GABRA1: variants seen among roughly 807,000 people sequenced by gnomAD.
GABRA1 encodes gamma-aminobutyric acid receptor subunit alpha-1.
In GABRA1, 9 loss-of-function variants were observed where a neutral mutation model predicts 48.9. The observed-to-expected ratio is 0.18, with a 90% CI of 0.11 to 0.32. GABRA1 has a LOEUF of 0.32. Ranked by LOEUF, GABRA1 falls within the 10% of genes least tolerant of loss-of-function variation. GABRA1 has a pLI of 1.00. For missense variants in GABRA1, 285 were observed against 553.8 expected (o/e 0.51, Z 4.87); for synonymous variants, 210 against 198.7 (o/e 1.06, Z -0.48).
intron 7 of GABRA1, among the ~76,000 whole-genome samples, chr5:161,888,380 G>A (rs749496518): frequency 3.9e-5 from 6 of 152,018 alleles, no homozygotes; most frequent in Admixed American, 6.6e-5. Context: ...TTAGGAAAAG[G>A]TTTCAAAACA....
At chr5:161,850,398 T>G (rs1418465164) in intron 1 of GABRA1, 1 of 405,162 alleles carries the variant, frequency 2.5e-6, no homozygotes, top group African/African-American at 2.1e-5. Flanking sequence ...CTTAAAAATT[T>G]TAATGCACAG....
intron 7 of GABRA1, among the ~76,000 whole-genome samples, chr5:161,890,081 T>C (rs1474525765): frequency 6.6e-6 from 1 of 151,928 alleles, no homozygotes; most frequent in African/African-American, 2.4e-5. Flanking sequence ...AGAGAAACAA[T>C]AAGACTCTCC....
At chr5:161,866,085 G>A (rs1264763238) in intron 4 of GABRA1, among the ~76,000 whole-genome samples, 21 of 152,050 alleles carry the variant, frequency 1.4e-4, no homozygotes, top group Non-Finnish European at 1.5e-5. Context: ...TACAGTATGA[G>A]TTATGTTTCA....
intron 6 of GABRA1, 81 bp downstream of exon 6, chr5:161,875,723 T>G: frequency 1.0e-6 from 1 of 992,550 alleles, no homozygotes; most frequent in Non-Finnish European, 1.6e-6. Context: ...GAAAAACGCG[T>G]AGATAAGGGA....
chr5:161,895,431 A>G (rs1441888888), intron 8 of GABRA1, among the ~76,000 whole-genome samples: 2 of 152,184 alleles, frequency 1.3e-5, no homozygotes, highest in Admixed American at 1.3e-4. Flanking sequence ...AGAGCACCTC[A>G]ATAGCAGAGC....
intron 8 of GABRA1, among the ~76,000 whole-genome samples, chr5:161,891,744 T>C (rs950063339): frequency 1.3e-5 from 2 of 152,206 alleles, no homozygotes; most frequent in East Asian, 3.8e-4. Flanking sequence ...ATTTCAACTG[T>C]ATTTTTCAGG....
At chr5:161,861,525 C>T (rs1391430696) in intron 3 of GABRA1, among the ~76,000 whole-genome samples, 2 of 151,770 alleles carry the variant, frequency 1.3e-5, no homozygotes, top group Admixed American at 6.6e-5. Context: ...TTCTTGGAAT[C>T]CCAAAACACT....
intron 2 of GABRA1, chr5:161,853,817 C>T (rs763643932): frequency 4.2e-5 from 7 of 167,726 alleles, no homozygotes; most frequent in Admixed American, 6.2e-5. Flanking sequence ...AAGAACTTTC[C>T]TAGGTTTGTT....
chr5:161,854,992 G>T (rs143446611), intron 3 of GABRA1, among the ~76,000 whole-genome samples: 1 of 151,420 alleles, frequency 6.6e-6, no homozygotes, highest in East Asian at 1.9e-4. Context: ...AAAGACTAAT[G>T]AAGCCAAATC....
At position 161,882,601 on chromosome 5, in the gene GABRA1, G is replaced by A. The variant is rs773177131; in HGVS notation, c.603G>A (p.Glu201=). ...RAEVVYEWTR[E]PARSVVVAED... is the part of the protein sequence containing the mutation. Reference sequence around the variant, plus strand: ...AAGTTGTTTATGAATGGACCAGAGAGCCAGCACGCTCAGTGGTTGTAGCAG... The same window carrying A: ...AAGTTGTTTATGAATGGACCAGAGAACCAGCACGCTCAGTGGTTGTAGCAG... The change falls in exon 7 of 10, where the codon GAG becomes GAA. Residue 201 remains glutamate, a synonymous_variant. Transcript: ENST00000393943. 1.2e-6 allele frequency: 2 copies of A among 1,613,560 alleles called. No homozygotes were observed. The highest frequency in any genetic ancestry group is 1.3e-5 in the African/African-American group (1 of 74,902).
At chr5:161,893,536 G>T (rs1755217542) in intron 8 of GABRA1, among the ~76,000 whole-genome samples, 1 of 152,060 alleles carries the variant, frequency 6.6e-6, no homozygotes, top group Admixed American at 6.6e-5. Context: ...ACAAACAAAA[G>T]TTGTACTTTA....
In GABRA1 at chr5:161,850,796, C is replaced by T; in HGVS notation, c.-15C>T. 3.7e-6 allele frequency: 6 copies of T among 1,613,688 alleles called. No individual in the cohort carries two copies. Among genetic ancestry groups the T allele is most frequent in the Non-Finnish European group, 5.1e-6 (6 of 1,179,604 alleles). ...GATCTCTACTTATTCTACTTTTCAG[C>T]TGCTCCAGCCCGCGATGAGGAAAAG... On this transcript the variant is annotated splice_region_variant and 5_prime_UTR_variant, in exon 2 of 10. Coordinates refer to ENST00000393943, the MANE Select transcript of GABRA1 (RefSeq NM_001127644.2).
At chr5:161,878,412 C>G (rs1217291817) in intron 6 of GABRA1, among the ~76,000 whole-genome samples, 1 of 152,116 alleles carries the variant, frequency 6.6e-6, no homozygotes, top group East Asian at 1.9e-4. Flanking sequence ...GAAACTGAGG[C>G]AAGAATGGGC....
At chr5:161,890,617 T>C (rs965063213) in intron 7 of GABRA1, among the ~76,000 whole-genome samples, 2 of 152,102 alleles carry the variant, frequency 1.3e-5, no homozygotes, top group African/African-American at 2.4e-5. Flanking sequence ...TCCTTAAATA[T>C]AAACTCAGAT....
rs184393130 is a variant in GABRA1, at chr5:161,848,865, A to G, written c.-16+443A>G. On this transcript the variant is annotated intron_variant, in intron 1 of 9. Coordinates refer to ENST00000393943, the MANE Select transcript of GABRA1 (RefSeq NM_001127644.2). Reference sequence around the variant, plus strand: ...TAAAGTTAAGACGCTGGGACGGAAAACCTGTCTCACTGTTCCATCATCCTA... The same window carrying G: ...TAAAGTTAAGACGCTGGGACGGAAAGCCTGTCTCACTGTTCCATCATCCTA... 46 of 413,656 alleles carry G rather than the reference A, an allele frequency of 1.1e-4. 1 individual carries two copies. The Admixed American group carries it at 1.2e-3, about 11-fold the overall frequency. 25.6% of individuals were successfully genotyped at this position (413,656 alleles called of 1,614,324 possible).
chr5:161,896,387 T>A (rs865841033), intron 9 of GABRA1, among the ~76,000 whole-genome samples: 1 of 152,204 alleles, frequency 6.6e-6, no homozygotes, highest in Non-Finnish European at 1.5e-5. Context: ...AATAGACATA[T>A]GCTTTAGGGA....
intron 7 of GABRA1, among the ~76,000 whole-genome samples, chr5:161,887,182 C>A (rs1417349431): frequency 6.6e-6 from 1 of 152,128 alleles, no homozygotes; most frequent in Non-Finnish European, 1.5e-5. Context: ...AAAGTTTCTT[C>A]TGAATGACTA....
At chr5:161,861,493 G>A (rs1366514336) in intron 3 of GABRA1, among the ~76,000 whole-genome samples, 8 of 151,710 alleles carry the variant, frequency 5.3e-5, no homozygotes, top group Admixed American at 3.3e-4. Context: ...TTTCTTCCTA[G>A]GACATGCTTG....
rs577835575 is a variant in GABRA1 at position 161,883,081 on chromosome 5, T to G, written c.703+380T>G. Among the ~76,000 whole-genome samples, 7 of 152,316 alleles carry G rather than the reference T, an allele frequency of 4.6e-5. No individual in the cohort carries two copies. The East Asian group carries it at 1.3e-3, about 29-fold the overall frequency. On this transcript the variant is annotated intron_variant, in intron 7 of 9. Coordinates refer to ENST00000393943, the MANE Select transcript of GABRA1 (RefSeq NM_001127644.2). ...AATACATTAAATTCTTAAAGAGTAC[T>G]TATCACAATTCCTGACCCATCAAAA...
Sources: allele counts gnomAD v4.1 joint callset (sites outside exome capture counted in the v4.1 genomes callset), GRCh38; gene constraint gnomAD v4.1.1; transcripts MANE v1.5; gene names NCBI Gene and HGNC (gene_info 2026-07-23, HGNC 2026-07-21).